FGFR3: variants seen among roughly 807,000 people sequenced by gnomAD.
FGFR3 encodes FGFR-3.
FGFR3 carries 25 observed loss-of-function variants against 82.9 expected under a neutral mutation model. The ratio of observed to expected loss-of-function variants is 0.30; its 90% CI spans 0.22 to 0.42. The LOEUF is 0.42. Among genes scored for constraint, FGFR3 ranks in the 10% least tolerant of loss-of-function variants. The pLI is 1.00. For missense variants in FGFR3, 1,026 were observed against 1,161.0 expected, an observed-to-expected ratio of 0.88 and a Z score of 1.69; for synonymous variants, 620 against 516.0, an observed-to-expected ratio of 1.20 and a Z score of -2.73.
intron 8 of FGFR3, 70 bp from the exon 9 acceptor site, chr4:1,804,260 G>T: frequency 2.6e-6 from 4 of 1,517,280 alleles, no homozygotes; most frequent in Non-Finnish European, 3.5e-6. Flanking sequence ...GCGGCTCTGG[G>T]CCAGGGGCAT....
intron 5 of FGFR3, 21 bp downstream of exon 5, chr4:1,801,557 CTG>C: frequency 6.3e-7 from 1 of 1,577,200 alleles, no homozygotes; most frequent in Non-Finnish European, 8.6e-7. Context: ...CGGGGTGGCT[CTG>C]GGCCTGGCAG....
chr4:1,797,855 G>C (rs1453067824), intron 2 of FGFR3, among the ~76,000 whole-genome samples: 1 of 152,222 alleles, frequency 6.6e-6, no homozygotes, highest in African/African-American at 2.4e-5. Context: ...TGTGTGGCTG[G>C]ATCAGGTGGG....
In FGFR3 at chr4:1,799,730, C is replaced by T. The variant is rs374939658; in HGVS notation, c.380-17C>T. ...GGGGCAGGTTGGGCATTGGTTGCGGCCATCTCTGCCTTGCAGACGCTCCAT... is the reference window on the plus strand; with the variant it reads ...GGGGCAGGTTGGGCATTGGTTGCGGTCATCTCTGCCTTGCAGACGCTCCAT... On this transcript the variant is annotated splice_polypyrimidine_tract_variant and intron_variant, in intron 3 of 17. Coordinates refer to ENST00000440486, the MANE Select transcript of FGFR3 (RefSeq NM_000142.5). 1.2e-6 allele frequency: 2 copies of T among 1,612,614 alleles called. No individual in the cohort carries two copies. Among genetic ancestry groups the T allele is most frequent in the Middle Eastern group, 1.7e-4 (1 of 6,060 alleles).
chr4:1,795,438 G>A (rs996739696), intron 2 of FGFR3, among the ~76,000 whole-genome samples: 2 of 148,020 alleles, frequency 1.4e-5, no homozygotes, highest in Non-Finnish European at 3.0e-5. Flanking sequence ...CCTCCCCCGG[G>A]GCGGCGCCCC....
At chr4:1,803,617 C>T (rs1721478977) in intron 7 of FGFR3, 75 bp from the exon 8 acceptor site, 3 of 1,567,362 alleles carry the variant, frequency 1.9e-6, no homozygotes, top group East Asian at 4.7e-5. Context: ...GCGGCTGGAT[C>T]CTGCCGTGTG....
intron 13 of FGFR3, 52 bp downstream of exon 13, chr4:1,805,992 G>T (rs1169807393): frequency 9.9e-6 from 16 of 1,611,076 alleles, no homozygotes; most frequent in African/African-American, 1.3e-5. Context: ...GCCCTGAGAT[G>T]CTGGGAGCAG....
chr4:1,799,025 G>A (rs947352825), intron 2 of FGFR3, among the ~76,000 whole-genome samples: 37 of 152,332 alleles, frequency 2.4e-4, no homozygotes, highest in South Asian at 4.1e-4. Flanking sequence ...TGGGGAAGGC[G>A]GCTGTCACAC....
chr4:1,802,855 C>T (rs552965623), intron 7 of FGFR3: 3 of 1,530,780 alleles, frequency 2.0e-6, no homozygotes, highest in Admixed American at 4.3e-5. Flanking sequence ...CACATCCTGC[C>T]TCGTGCCCGG....
chr4:1,806,366 C>T lies in FGFR3; in HGVS notation c.2030+39C>T, dbSNP rs374945997. 2.5e-4 allele frequency: 399 copies of T among 1,610,944 alleles called. 2 individuals are homozygous for T. The African/African-American group carries it at 4.3e-3, about 17-fold the overall frequency. ...AGAGCTCAGGCTTCAGGGGTGGAGG[C>T]GGGAACTGGGCAGAGCCAGGACCCC... On this transcript the variant is annotated intron_variant, in intron 15 of 17. Coordinates refer to ENST00000440486, the MANE Select transcript of FGFR3 (RefSeq NM_000142.5).
At chr4:1,797,001 T>C (rs1720592075) in intron 2 of FGFR3, among the ~76,000 whole-genome samples, 1 of 152,038 alleles carries the variant, frequency 6.6e-6, no homozygotes, top group African/African-American at 2.4e-5. Flanking sequence ...TGTGTGGGGT[T>C]GGGGCGCCGG....
chr4:1,803,682 C>T lies in FGFR3; in HGVS notation c.931-10C>T, dbSNP rs752492187. ...TGGCGCTCGCCTATCGCTCTGCTCT[C>T]TCTTTGTAGACGGCGGGCGCTAACA... On this transcript the variant is annotated splice_polypyrimidine_tract_variant and intron_variant, in intron 7 of 17. Coordinates refer to ENST00000440486, the MANE Select transcript of FGFR3 (RefSeq NM_000142.5). The T allele has an allele frequency of 3.1e-6, 5 of 1,613,306 alleles. No individual in the cohort carries two copies. The highest frequency in any genetic ancestry group is 2.2e-5 in the South Asian group (2 of 91,040).
At chr4:1,793,513 C>G (rs1318079346) in intron 1 of FGFR3, 48 bp downstream of exon 1, 1 of 149,310 alleles carries the variant, frequency 6.7e-6, no homozygotes, top group African/African-American at 2.4e-5. Flanking sequence ...CAACGGTGCT[C>G]GCGGAGGGGT....
At chr4:1,797,124 CTG>C (rs1424782941) in intron 2 of FGFR3, among the ~76,000 whole-genome samples, 1 of 152,172 alleles carries the variant, frequency 6.6e-6, no homozygotes, top group Non-Finnish European at 1.5e-5. Context: ...GCACCAGTGT[CTG>C]TGTGGTGTCA....
At chr4:1,803,364 G>A (rs1006680023) in intron 7 of FGFR3, among the ~76,000 whole-genome samples, 2 of 152,056 alleles carry the variant, frequency 1.3e-5, no homozygotes, top group African/African-American at 2.4e-5. Context: ...ACCCCTGCCC[G>A]CTGCCTGCTC....
At chr4:1,804,293 G>C (rs752844487) in intron 8 of FGFR3, 37 bp from the exon 9 acceptor site, 40 of 1,552,766 alleles carry the variant, frequency 2.6e-5, no homozygotes, top group Admixed American at 7.4e-5. Flanking sequence ...CGTGGGGGGG[G>C]GGGCCAGGCC....
In FGFR3 at chr4:1,799,328, C is replaced by T. The variant is rs533866031; in HGVS notation, c.184C>T (p.Pro62Ser). 5.6e-6 allele frequency: 9 copies of T among 1,612,628 alleles called. No homozygotes were observed. The African/African-American group carries it at 6.7e-5, about 12-fold the overall frequency. ...GSGDAVELSC[P>S]PPGGGPMGPT... The stretch of plus-strand genomic sequence containing the variant: ...CGGGGATGCTGTGGAGCTGAGCTGT[C>T]CCCCGCCCGGGGGTGGTCCCATGGG... Residue 62 changes from proline to serine, a missense_variant, in exon 3 of 18, where the codon CCC becomes TCC. By Grantham distance (74) the Pro-to-Ser change is moderately conservative (BLOSUM62 -1). Coordinates refer to ENST00000440486, the MANE Select transcript of FGFR3 (RefSeq NM_000142.5).
In FGFR3 at chr4:1,802,930, G is replaced by C. The variant is rs1262200661; in HGVS notation, c.931-762G>C. The C allele has an allele frequency of 1.0e-5, 16 of 1,602,040 alleles. 1 individual carries two copies. The South Asian group carries it at 1.1e-4, about 11-fold the overall frequency. The stretch of plus-strand genomic sequence containing the variant: ...TCCCCGCAGTCCTGGATCAGTGAGA[G>C]TGTGGAGGCCGACGTGCGCCTCCGC... On this transcript the variant is annotated intron_variant, in intron 7 of 17. Transcript: ENST00000440486.
In FGFR3 at chr4:1,799,740, C is replaced by G; in HGVS notation, c.380-7C>G. On this transcript the variant is annotated splice_region_variant and splice_polypyrimidine_tract_variant and intron_variant, in intron 3 of 17. Coordinates refer to ENST00000440486, the MANE Select transcript of FGFR3 (RefSeq NM_000142.5). ...GGGCATTGGTTGCGGCCATCTCTGCCTTGCAGACGCTCCATCCTCGGGAGA... is the reference window on the plus strand; with the variant it reads ...GGGCATTGGTTGCGGCCATCTCTGCGTTGCAGACGCTCCATCCTCGGGAGA... The G allele has an allele frequency of 6.2e-7, 1 of 1,612,870 alleles. No homozygotes were observed. Among genetic ancestry groups the G allele is most frequent in the Non-Finnish European group, 8.5e-7 (1 of 1,179,918 alleles).
chr4:1,806,923 A>T lies in FGFR3; in HGVS notation c.2263A>T (p.Thr755Ser), dbSNP rs1201092702. 6.2e-7 allele frequency: 1 copy of T among 1,606,218 alleles called. No individual in the cohort carries two copies. The highest frequency in any genetic ancestry group is 8.5e-7 in the Non-Finnish European group (1 of 1,177,154). ...GGACCTGGACCGTGTCCTTACCGTG[A>T]CGTCCACCGACGTGAGTGCTGGCTC... ...VEDLDRVLTV[T>S]STDEYLDLSA... The change falls in exon 17 of 18, where the codon ACG becomes TCG. Residue 755 changes from threonine (T) to serine (S), a missense_variant. Physicochemically the swap from Thr to Ser is moderately conservative, Grantham distance 58. Around this residue, in one of 9 missense-constraint regions of FGFR3, gnomAD observed 155 missense variants for 150.2 expected, o/e 1.03. Coordinates refer to ENST00000440486, the MANE Select transcript of FGFR3 (RefSeq NM_000142.5).
Sources: gnomAD v4.1 joint callset for allele counts (sites outside exome capture counted in the v4.1 genomes callset) on GRCh38, gnomAD v4.1.1 for gene constraint, gnomAD v4.1.1 regional missense constraint, MANE v1.5 for transcripts, NCBI Gene and HGNC (gene_info 2026-07-23, HGNC 2026-07-21) for gene names.